Variants in DGKI observed in about 807,000 individuals in gnomAD.
The protein encoded by DGKI is DAG kinase iota.
Under a neutral mutation model 147.5 loss-of-function variants are expected in DGKI, and 55 were observed. The observed-to-expected ratio is 0.37, with a 90% CI of 0.30 to 0.47. The LOEUF (loss-of-function observed/expected upper bound fraction) is 0.47, where lower values mean the gene tolerates loss of function less well. DGKI is among the 20% of genes least tolerant of loss of function. The pLI, the probability that DGKI is intolerant of heterozygous loss-of-function variation, is 1.00. For missense variants in DGKI, 1,007 were observed against 1,323.8 expected (o/e 0.76, Z 3.71); for synonymous variants, 469 against 477.1 (o/e 0.98, Z 0.22).
chr7:137,834,558 A>G (rs993011292), intron 1 of DGKI, among the ~76,000 whole-genome samples: 1 of 152,194 alleles, frequency 6.6e-6, no homozygotes, highest in Non-Finnish European at 1.5e-5. Context: ...CTTACTGGAA[A>G]TTAAAGACAA....
intron 1 of DGKI, among the ~76,000 whole-genome samples, chr7:137,823,813 C>T (rs1797974903): frequency 6.6e-6 from 1 of 152,110 alleles, no homozygotes; most frequent in South Asian, 2.1e-4. Flanking sequence ...CAATTAAATG[C>T]AATAAAACAT....
chr7:137,511,944 C>T (rs1816594025), intron 21 of DGKI, among the ~76,000 whole-genome samples: 3 of 152,186 alleles, frequency 2.0e-5, no homozygotes, highest in Admixed American at 2.0e-4. Flanking sequence ...GTCCAAAGGT[C>T]CCTGTGGGAG....
intron 10 of DGKI, among the ~76,000 whole-genome samples, chr7:137,601,927 C>T (rs187505091): frequency 7.2e-5 from 11 of 152,258 alleles, no homozygotes; most frequent in African/African-American, 1.9e-4. Flanking sequence ...ATAATTACAA[C>T]GAATCCTTGA....
intron 1 of DGKI, among the ~76,000 whole-genome samples, chr7:137,785,899 A>T (rs760989609): frequency 8.5e-5 from 13 of 152,190 alleles, no homozygotes; most frequent in Non-Finnish European, 1.3e-4. Flanking sequence ...GATGCAGAAA[A>T]AGCATTTGAC....
At chr7:137,832,839 C>G (rs1040550926) in intron 1 of DGKI, among the ~76,000 whole-genome samples, 2 of 152,264 alleles carry the variant, frequency 1.3e-5, no homozygotes, top group African/African-American at 2.4e-5. Flanking sequence ...ATCCAAGTTA[C>G]TTCTTGATTG....
chr7:137,434,432 T>A (rs1175413740), intron 28 of DGKI, among the ~76,000 whole-genome samples: 3 of 151,504 alleles, frequency 2.0e-5, no homozygotes, highest in African/African-American at 7.3e-5. Flanking sequence ...AGACAAAATA[T>A]TACCTGGGCG....
intron 20 of DGKI, among the ~76,000 whole-genome samples, chr7:137,550,466 G>A (rs1008122898): frequency 2.0e-5 from 3 of 152,102 alleles, no homozygotes; most frequent in Admixed American, 6.6e-5. Context: ...GTGAGCCACC[G>A]TACCCAGCCA....
intron 1 of DGKI, 93 bp from the exon 2 acceptor site, chr7:137,690,095 T>A: frequency 3.7e-6 from 3 of 819,594 alleles, no homozygotes; most frequent in Non-Finnish European, 5.5e-6. Context: ...GTAGAAACAA[T>A]GCCTGAGTTA....
At chr7:137,511,952 G>C (rs1264721585) in intron 21 of DGKI, among the ~76,000 whole-genome samples, 1 of 152,164 alleles carries the variant, frequency 6.6e-6, no homozygotes, top group Non-Finnish European at 1.5e-5. Flanking sequence ...GTCCCTGTGG[G>C]AGTCCTCAGT....
chr7:137,481,049 C>T (rs570262798), intron 23 of DGKI, among the ~76,000 whole-genome samples: 3 of 150,542 alleles, frequency 2.0e-5, no homozygotes, highest in East Asian at 2.0e-4. Context: ...TACTGAGAAC[C>T]GTCAGAGTGA....
chr7:137,716,057 A>G (rs2116589114), intron 1 of DGKI, among the ~76,000 whole-genome samples: 1 of 152,312 alleles, frequency 6.6e-6, no homozygotes, highest in Non-Finnish European at 1.5e-5. Context: ...TGAGAGCAAG[A>G]GTTTGAAGCT....
chr7:137,842,020 G>A (rs1291962918), intron 1 of DGKI, among the ~76,000 whole-genome samples: 1 of 152,180 alleles, frequency 6.6e-6, no homozygotes, highest in African/African-American at 2.4e-5. Context: ...CTTGCCCAGT[G>A]TGTATCCTAA....
At chr7:137,664,434 AAAAG>A (rs1309216241) in intron 3 of DGKI, among the ~76,000 whole-genome samples, 1 of 152,064 alleles carries the variant, frequency 6.6e-6, no homozygotes, top group Non-Finnish European at 1.5e-5. Flanking sequence ...AGGAAAAAGA[AAAAG>A]AAAGCATAGA....
At chr7:137,629,273 T>G (rs1336662614) in intron 6 of DGKI, among the ~76,000 whole-genome samples, 3 of 152,204 alleles carry the variant, frequency 2.0e-5, no homozygotes, top group Non-Finnish European at 2.9e-5. Context: ...TCTAAAATGT[T>G]TATCATACAT....
chr7:137,714,620 C>A (rs974928472), intron 1 of DGKI, among the ~76,000 whole-genome samples: 1 of 152,176 alleles, frequency 6.6e-6, no homozygotes, highest in African/African-American at 2.4e-5. Context: ...CACCTTGTCA[C>A]ACCTATCACA....
At chr7:137,440,009 G>T (rs1228381281) in intron 28 of DGKI, among the ~76,000 whole-genome samples, 1 of 152,232 alleles carries the variant, frequency 6.6e-6, no homozygotes, top group African/African-American at 2.4e-5. Context: ...AGTAAGTGAA[G>T]CAGCGGTAAG....
At chr7:137,542,662 C>G (rs1585214313) in intron 20 of DGKI, among the ~76,000 whole-genome samples, 3 of 152,188 alleles carry the variant, frequency 2.0e-5, no homozygotes, top group South Asian at 2.1e-4. Context: ...ACTGACTGAT[C>G]TATATCCTGA....
intron 28 of DGKI, among the ~76,000 whole-genome samples, chr7:137,413,574 G>A (rs1812246568): frequency 6.6e-6 from 1 of 152,156 alleles, no homozygotes; most frequent in Non-Finnish European, 1.5e-5. Context: ...TTAGGATAAT[G>A]GTCTTCAGCT....
chr7:137,761,382 G>A (rs1339105926), intron 1 of DGKI, among the ~76,000 whole-genome samples: 1 of 152,140 alleles, frequency 6.6e-6, no homozygotes, highest in Non-Finnish European at 1.5e-5. Flanking sequence ...TGCTGCCTCA[G>A]TTTCCCCATG....
Sources: gnomAD v4.1 joint callset for allele counts (sites outside exome capture counted in the v4.1 genomes callset) on GRCh38, gnomAD v4.1.1 for gene constraint, MANE v1.5 for transcripts, NCBI Gene and HGNC (gene_info 2026-07-23, HGNC 2026-07-21) for gene names.